Variants in ERC1 observed in about 807,000 individuals in gnomAD.
The protein encoded by ERC1 is ELKS/RAB6-interacting/CAST family member 1.
A neutral mutation model predicts 132.0 loss-of-function variants in ERC1; 56 were observed. That is an observed-to-expected ratio of 0.42 (90% confidence interval 0.34 to 0.53). The LOEUF (loss-of-function observed/expected upper bound fraction) is 0.53. Among genes scored for constraint, ERC1 ranks in the 20% least tolerant of loss-of-function variants. The pLI, the probability that ERC1 is intolerant of heterozygous loss-of-function variation, is 0.03. For missense variants in ERC1, 1,202 were observed against 1,349.9 expected (o/e 0.89, Z 1.72); for synonymous variants, 478 against 476.1 (o/e 1.00, Z -0.05).
chr12:1,447,544 C>A lies in ERC1; in HGVS notation c.3213+2794C>A, dbSNP rs1272532264. On this transcript the variant is annotated intron_variant, in intron 18 of 18. Transcript: ENST00000360905. ...AACAAACAAACAGCAACAACAACAACAAAAAAAAAAAAACCCAGTGCTTAT... is the reference window on the plus strand; with the variant it reads ...AACAAACAAACAGCAACAACAACAAAAAAAAAAAAAAAACCCAGTGCTTAT... Among the ~76,000 whole-genome samples the A allele has an allele frequency of 3.0e-3, 384 of 129,536 alleles. 2 individuals are homozygous for A. The highest frequency in any genetic ancestry group is 3.3e-3 in the Non-Finnish European group (198 of 60,424). 85.0% of individuals were successfully genotyped at this position (129,536 alleles called of 152,430 possible). A position where few individuals can be genotyped will look rare whatever the true frequency, so the allele number is the denominator to read the frequency against.
chr12:1,478,661 C>T (rs1292569741), intron 18 of ERC1, among the ~76,000 whole-genome samples: 3 of 152,066 alleles, frequency 2.0e-5, no homozygotes, highest in Non-Finnish European at 4.4e-5. Flanking sequence ...GGCGTGGTGG[C>T]GAGCGCCTGT....
chr12:1,036,392 G>A (rs948083167), intron 2 of ERC1, among the ~76,000 whole-genome samples: 3 of 70,588 alleles, frequency 4.3e-5, no homozygotes, highest in African/African-American at 1.6e-4. Flanking sequence ...TTTTTTTTTT[G>A]AGACAGAGTT....
intron 15 of ERC1, among the ~76,000 whole-genome samples, chr12:1,336,272 A>G (rs909094592): frequency 2.0e-5 from 3 of 148,340 alleles, no homozygotes; most frequent in African/African-American, 5.0e-5. Context: ...TCTAATTTTT[A>G]TTTCTTGTCT....
At chr12:1,417,597 A>G (rs955294911) in intron 17 of ERC1, among the ~76,000 whole-genome samples, 15 of 152,142 alleles carry the variant, frequency 9.9e-5, no homozygotes, top group South Asian at 2.1e-4. Flanking sequence ...CGTGGCCAAC[A>G]TGGCAAAATC....
At chr12:1,450,606 G>A (rs1251376486) in intron 18 of ERC1, among the ~76,000 whole-genome samples, 1 of 152,156 alleles carries the variant, frequency 6.6e-6, no homozygotes, top group Non-Finnish European at 1.5e-5. Context: ...CGTGAACACG[G>A]GTGTATAAAT....
At chr12:1,215,614 G>A (rs1958326204) in intron 12 of ERC1, among the ~76,000 whole-genome samples, 1 of 152,004 alleles carries the variant, frequency 6.6e-6, no homozygotes, top group Non-Finnish European at 1.5e-5. Flanking sequence ...TTAGCTCATG[G>A]AGATGAAGGA....
intron 2 of ERC1, among the ~76,000 whole-genome samples, chr12:1,056,222 G>A (rs943934651): frequency 7.3e-5 from 11 of 151,666 alleles, no homozygotes; most frequent in Non-Finnish European, 1.0e-4. Context: ...TAATGAACAC[G>A]TTTCTAGTGT....
At chr12:1,137,578 GGTGGCTCAC>G (rs1420279213) in intron 7 of ERC1, among the ~76,000 whole-genome samples, 1 of 151,902 alleles carries the variant, frequency 6.6e-6, no homozygotes, top group Non-Finnish European at 1.5e-5. Flanking sequence ...GGCCAGGAGC[GGTGGCTCAC>G]GCCTGTAACC....
rs201621730 is a variant in ERC1, at chr12:1,418,625, T to C, written c.3024+10378T>C. Among the ~76,000 whole-genome samples, 461 of 114,610 alleles carry C rather than the reference T, an allele frequency of 4.0e-3. 7 individuals are homozygous for C. The highest frequency in any genetic ancestry group is 0.021 in the African/African-American group (420 of 20,200). 75.2% of individuals were successfully genotyped at this position (114,610 alleles called of 152,430 possible). ...TTTCTTTCTTTCTTTCTTTCTTTCTTTCTTTCTTTCTTTCTTTCTCTCTCT... is the reference window on the plus strand; with the variant it reads ...TTTCTTTCTTTCTTTCTTTCTTTCTCTCTTTCTTTCTTTCTTTCTCTCTCT... On this transcript the variant is annotated intron_variant, in intron 17 of 18. Coordinates refer to ENST00000360905, the MANE Select transcript of ERC1 (RefSeq NM_178040.4).
intron 8 of ERC1, 91 bp from the exon 9 acceptor site, chr12:1,180,449 C>A: frequency 8.6e-7 from 1 of 1,168,908 alleles, no homozygotes; most frequent in South Asian, 1.4e-5. Flanking sequence ...CAACCCTGAG[C>A]TATCTGTTTT....
At chr12:1,204,496 T>C (rs1159159839) in intron 12 of ERC1, 24 of 1,590,040 alleles carry the variant, frequency 1.5e-5, no homozygotes, top group African/African-American at 2.7e-5. Context: ...TCCTGTTTCC[T>C]TCAGTCTCAC....
At chr12:1,121,717 ATCTC>A (rs1310559168) in intron 7 of ERC1, among the ~76,000 whole-genome samples, 1 of 5,540 alleles carries the variant, frequency 1.8e-4, no homozygotes, top group African/African-American at 3.2e-4. Context: ...CTGTGTCTCT[ATCTC>A]TATCTCTATC....
chr12:1,317,831 T>C (rs2081874108), intron 15 of ERC1, among the ~76,000 whole-genome samples: 1 of 152,238 alleles, frequency 6.6e-6, no homozygotes, highest in Non-Finnish European at 1.5e-5. Flanking sequence ...CTATATACTT[T>C]CTTTATTCTT....
chr12:1,167,905 G>T (rs891222773), intron 8 of ERC1, among the ~76,000 whole-genome samples: 1 of 151,682 alleles, frequency 6.6e-6, no homozygotes, highest in Non-Finnish European at 1.5e-5. Context: ...TACTGCAGAC[G>T]GGGTTTCAGC....
At chr12:1,000,497 A>G (rs1167218374) in intron 1 of ERC1, among the ~76,000 whole-genome samples, 2 of 151,982 alleles carry the variant, frequency 1.3e-5, no homozygotes, top group Non-Finnish European at 2.9e-5. Context: ...GAAAAAAAAA[A>G]AAAAATAACC....
intron 15 of ERC1, among the ~76,000 whole-genome samples, chr12:1,310,807 C>T (rs894067303): frequency 1.4e-4 from 21 of 152,256 alleles, no homozygotes; most frequent in Non-Finnish European, 5.9e-5. Context: ...GATTAGAGAA[C>T]ATGACTTTAT....
chr12:1,399,593 A>C (rs892895171), intron 16 of ERC1, among the ~76,000 whole-genome samples: 1 of 152,272 alleles, frequency 6.6e-6, no homozygotes, highest in African/African-American at 2.4e-5. Flanking sequence ...TACTTTCTCT[A>C]TATATAGATT....
chr12:1,030,283 T>A (rs1015657271), intron 2 of ERC1, among the ~76,000 whole-genome samples: 10 of 152,206 alleles, frequency 6.6e-5, no homozygotes, highest in Non-Finnish European at 1.0e-4. Context: ...GCAACTGATA[T>A]CAATTTCTGC....
intron 14 of ERC1, among the ~76,000 whole-genome samples, chr12:1,270,951 A>C (rs2077804184): frequency 6.6e-6 from 1 of 152,178 alleles, no homozygotes; most frequent in South Asian, 2.1e-4. Flanking sequence ...TTTTGAATAG[A>C]TGATGATGGA....
Sources: allele counts gnomAD v4.1 joint callset (sites outside exome capture counted in the v4.1 genomes callset), GRCh38; gene constraint gnomAD v4.1.1; transcripts MANE v1.5; gene names NCBI Gene and HGNC (gene_info 2026-07-23, HGNC 2026-07-21).